Variants in RFK observed in about 807,000 individuals in gnomAD.
The protein encoded by RFK is riboflavin kinase.
RFK carries 4 observed loss-of-function variants against 17.6 expected under a neutral mutation model. The ratio of observed to expected loss-of-function variants is 0.23; its 90% CI spans 0.11 to 0.52. The LOEUF is 0.52. RFK is among the 20% of genes least tolerant of loss of function. RFK has a pLI of 0.96. For synonymous variants in RFK, 59 were observed against 63.8 expected (o/e 0.92, Z 0.36); for missense variants, 189 against 187.7 (o/e 1.01, Z -0.04).
chr9:76,387,646 G>A lies in RFK; in HGVS notation c.338-117C>T. On this transcript the variant is annotated intron_variant, in intron 3 of 3. Coordinates refer to ENST00000376736, the MANE Select transcript of RFK (RefSeq NM_018339.6). ...GCTGGCAGTATCTCTGCACAGGGTA[G>A]ATACCCAATAAATGTTTGTTCCATC... 4.5e-6 allele frequency: 4 copies of A among 896,208 alleles called. No homozygotes were observed. In the South Asian group the frequency reaches 6.8e-5, roughly 15 times the overall value. 55.5% of individuals were successfully genotyped at this position (896,208 alleles called of 1,614,324 possible). A position where few individuals can be genotyped will look rare whatever the true frequency, so the allele number is the denominator to read the frequency against.
At position 76,392,482 on chromosome 9, in the gene RFK, T is replaced by A; in HGVS notation, c.170A>T (p.Asp57Val). ...TATGCTCACCACCATCTTATGGACA[T>A]CTCCACTTCCAACACTGGCCCAACC... ...YYGWASVGSG[D>V]VHKMVVSIGW... Residue 57 changes from aspartate (D) to valine (V), a missense_variant, in exon 2 of 4, where the codon GAT (aspartate) becomes GTT (valine). Physicochemically the swap from Asp to Val is radical, Grantham distance 152. Around this residue, in one of 3 missense-constraint regions of RFK, gnomAD observed 90 missense variants for 75.4 expected, o/e 1.19. Coordinates refer to ENST00000376736, the MANE Select transcript of RFK (RefSeq NM_018339.6). 1 of 1,614,196 alleles carries A rather than the reference T, an allele frequency of 6.2e-7. No homozygotes were observed. Among genetic ancestry groups the A allele is most frequent in the Non-Finnish European group, 8.5e-7 (1 of 1,180,000 alleles).
rs1191553015 is a variant in RFK at position 76,387,391 on chromosome 9, A to G, written c.*8T>C. The G allele has an allele frequency of 1.9e-6, 3 of 1,600,924 alleles. No individual in the cohort carries two copies. The highest frequency in any genetic ancestry group is 3.4e-5 in the Admixed American group (2 of 59,522). On this transcript the variant is annotated 3_prime_UTR_variant, in exon 4 of 4. Coordinates refer to ENST00000376736, the MANE Select transcript of RFK (RefSeq NM_018339.6). Reference sequence around the variant, plus strand: ...AAACAGTGAATGAATAAATAATACAATTTTTCATCAGTGGCCATTCATTAT... The same window carrying G: ...AAACAGTGAATGAATAAATAATACAGTTTTTCATCAGTGGCCATTCATTAT...
chr9:76,389,567 T>C (rs1298291459), intron 2 of RFK, among the ~76,000 whole-genome samples: 1 of 152,020 alleles, frequency 6.6e-6, no homozygotes, highest in Non-Finnish European at 1.5e-5. Flanking sequence ...CAAGACCAGC[T>C]TGGCCAACAT....
intron 2 of RFK, among the ~76,000 whole-genome samples, chr9:76,390,651 A>G (rs1334557562): frequency 1.3e-5 from 2 of 151,690 alleles, no homozygotes; most frequent in African/African-American, 4.8e-5. Flanking sequence ...GTGACAGAGC[A>G]AGACCCTATC....
At chr9:76,391,891 C>A (rs1822823980) in intron 2 of RFK, among the ~76,000 whole-genome samples, 1 of 149,854 alleles carries the variant, frequency 6.7e-6, no homozygotes, top group African/African-American at 2.5e-5. Context: ...GGCCTGTGAA[C>A]AGCTACTGCA....
At chr9:76,391,758 A>G (rs1201534501) in intron 2 of RFK, among the ~76,000 whole-genome samples, 2 of 152,204 alleles carry the variant, frequency 1.3e-5, no homozygotes, top group Non-Finnish European at 2.9e-5. Flanking sequence ...GGGTACCACA[A>G]TGTATAAGGA....
chr9:76,394,185 C>A lies in RFK; in HGVS notation c.-14G>T, dbSNP rs1373755570. 3 of 1,587,518 alleles carry A rather than the reference C, an allele frequency of 1.9e-6. No individual in the cohort carries two copies. The highest frequency in any genetic ancestry group is 2.3e-5 in the East Asian group (1 of 43,436). ...CAGGTGCCTCATAATGCAGTCCGCT[C>A]GGGGAATGGGCTGCGGCCCGGTCTG... On this transcript the variant is annotated 5_prime_UTR_variant, in exon 1 of 4. Coordinates refer to ENST00000376736, the MANE Select transcript of RFK (RefSeq NM_018339.6).
rs3187236 is a variant in RFK at position 76,387,145 on chromosome 9, T to C, written c.*254A>G. On this transcript the variant is annotated 3_prime_UTR_variant, in exon 4 of 4. Coordinates refer to ENST00000376736, the MANE Select transcript of RFK (RefSeq NM_018339.6). ...TTTACCCATACTTATACACATGTAA[T>C]ACCTTTCTAGTGGTACATTTTAATC... 0.31 allele frequency: 96,734 copies of C among 316,300 alleles called. 16,765 individuals are homozygous for C. Among genetic ancestry groups the C allele is most frequent in the Non-Finnish European group, 0.37 (62,402 of 168,850 alleles). 19.6% of individuals were successfully genotyped at this position (316,300 alleles called of 1,614,324 possible).
chr9:76,393,933 G>A (rs939335849), intron 1 of RFK, 157 bp downstream of exon 1: 3 of 675,792 alleles, frequency 4.4e-6, no homozygotes, highest in South Asian at 2.0e-5. Flanking sequence ...CCGAGCCAAC[G>A]GTCCTCCGCC....
intron 1 of RFK, 152 bp downstream of exon 1, chr9:76,393,938 T>G (rs1587393316): frequency 1.4e-6 from 1 of 700,700 alleles, no homozygotes; most frequent in African/African-American, 1.9e-5. Context: ...CCAACGGTCC[T>G]CCGCCACAGA....
Position 76,387,245 on chromosome 9 carries a change from T to G in RFK, c.*154A>C. 1.5e-6 allele frequency: 1 copy of G among 656,500 alleles called. No individual in the cohort carries two copies. The highest frequency in any genetic ancestry group is 2.6e-6 in the Non-Finnish European group (1 of 389,198). 40.7% of individuals were successfully genotyped at this position (656,500 alleles called of 1,614,324 possible). A position where few individuals can be genotyped will look rare whatever the true frequency, so the allele number is the denominator to read the frequency against. ...GATATGATGGGCTTAATTTAATAGT[T>G]GAAGCATGATATGATAACAACATTG... On this transcript the variant is annotated 3_prime_UTR_variant, in exon 4 of 4. Coordinates refer to ENST00000376736, the MANE Select transcript of RFK (RefSeq NM_018339.6).
At chr9:76,389,793 T>A (rs751784153) in intron 2 of RFK, among the ~76,000 whole-genome samples, 1 of 152,152 alleles carries the variant, frequency 6.6e-6, no homozygotes, top group South Asian at 2.1e-4. Context: ...AAAATAATTT[T>A]AAAAAATATG....
Position 76,394,254 on chromosome 9 carries a change from A to C in RFK, c.-83T>G. On this transcript the variant is annotated 5_prime_UTR_variant, in exon 1 of 4. Transcript: ENST00000376736. ...CGTCGACGCGGCGCCCAGACCCCGG[A>C]CCAGCCGGGGGACAGGAGCGTGAGC... 7.1e-7 allele frequency: 1 copy of C among 1,403,704 alleles called. No individual in the cohort carries two copies. Among genetic ancestry groups the C allele is most frequent in the Non-Finnish European group, 9.7e-7 (1 of 1,032,024 alleles). The allele number at this position is 1,403,704 out of a possible 1,614,324, so 87.0% of individuals were successfully genotyped here. A position where few individuals can be genotyped will look rare whatever the true frequency, so the allele number is the denominator to read the frequency against.
At chr9:76,390,864 G>A (rs958563710) in intron 2 of RFK, among the ~76,000 whole-genome samples, 1 of 150,678 alleles carries the variant, frequency 6.6e-6, no homozygotes, top group Non-Finnish European at 1.5e-5. Context: ...AAGGACAAAG[G>A]TCTGGCACAG....
intron 2 of RFK, among the ~76,000 whole-genome samples, chr9:76,389,792 T>G (rs1822792846): frequency 6.6e-6 from 1 of 152,006 alleles, no homozygotes; most frequent in Non-Finnish European, 1.5e-5. Context: ...AAAAATAATT[T>G]TAAAAAATAT....
chr9:76,391,856 T>C (rs745895752), intron 2 of RFK, among the ~76,000 whole-genome samples: 2 of 152,130 alleles, frequency 1.3e-5, no homozygotes, highest in African/African-American at 2.4e-5. Flanking sequence ...GCCCATGAGT[T>C]TGAAGCTACA....
chr9:76,394,033 T>C, intron 1 of RFK, 57 bp downstream of exon 1: 3 of 1,512,584 alleles, frequency 2.0e-6, no homozygotes, highest in Non-Finnish European at 2.7e-6. Context: ...CCGGCTGCCG[T>C]CTCTCCCCGC....
At position 76,394,113 on chromosome 9, in the gene RFK, G is replaced by A. The variant is rs1320924838; in HGVS notation, c.59C>T (p.Ser20Phe). Residue 20 changes from serine (S) to phenylalanine (F), a missense_variant, in exon 1 of 4, where the codon TCC (serine) becomes TTC (phenylalanine). By Grantham distance (155) the Ser-to-Phe change is radical. Transcript: ENST00000376736. ...GQVVRGFGRGSKQLGIPTANF... is the reference protein window; with the variant it reads ...GQVVRGFGRGFKQLGIPTANF... ...ACCTGTGGGGATGCCCAGCTGCTTG[G>A]AGCCGCGGCCGAAGCCCCGCACCAC... 1 of 1,609,046 alleles carries A rather than the reference G, an allele frequency of 6.2e-7. No homozygotes were observed. Among genetic ancestry groups the A allele is most frequent in the Admixed American group, 1.7e-5 (1 of 59,654 alleles).
In RFK at chr9:76,393,585, G is replaced by A. The variant is rs553581908; in HGVS notation, c.82+505C>T. The A allele has an allele frequency of 9.1e-5, 14 of 153,312 alleles. 1 individual carries two copies. The South Asian group carries it at 2.9e-3, about 31-fold the overall frequency. 9.5% of individuals were successfully genotyped at this position (153,312 alleles called of 1,614,324 possible). ...ACGCAGCTCTGGCATGTATTTCTAA[G>A]GATGAATTACAGTCAGGTCTCGATT... is the stretch of plus-strand genomic sequence containing the variant. On this transcript the variant is annotated intron_variant, in intron 1 of 3. Coordinates refer to ENST00000376736, the MANE Select transcript of RFK (RefSeq NM_018339.6).
Sources: gnomAD v4.1 joint callset for allele counts (sites outside exome capture counted in the v4.1 genomes callset) on GRCh38, gnomAD v4.1.1 for gene constraint, gnomAD v4.1.1 regional missense constraint, MANE v1.5 for transcripts, NCBI Gene and HGNC (gene_info 2026-07-23, HGNC 2026-07-21) for gene names.